The following ATP13A5 variants were observed in gnomAD, a reference collection of about 807,000 sequenced individuals.
ATP13A5 encodes probable cation-transporting ATPase 13A5.
Under a neutral mutation model 150.2 loss-of-function variants are expected in ATP13A5, and 149 were observed. The observed-to-expected ratio is 0.99, with a 90% CI of 0.87 to 1.14. The LOEUF is 1.14. Ranked by LOEUF, ATP13A5 falls within the 50% of genes most tolerant of loss-of-function variation. The probability of loss-of-function intolerance (pLI) is 0.00; values close to 1 mark genes in which losing one functional copy is unlikely to be tolerated. For missense variants in ATP13A5, 1,383 were observed against 1,449.3 expected, an observed-to-expected ratio of 0.95 and a Z score of 0.74; for synonymous variants, 497 against 522.2, an observed-to-expected ratio of 0.95 and a Z score of 0.66.
At chr3:193,289,200 C>G (rs1717845075) in intron 26 of ATP13A5, among the ~76,000 whole-genome samples, 1 of 152,088 alleles carries the variant, frequency 6.6e-6, no homozygotes, top group African/African-American at 2.4e-5. Flanking sequence ...GGCAGAAAGA[C>G]TTTGTCAGCA....
chr3:193,290,126 ATGCATATTATCTTGAGTC>A, intron 25 of ATP13A5, 67 bp from the exon 26 acceptor site: 1 of 1,458,868 alleles, frequency 6.9e-7, no homozygotes, highest in Admixed American at 2.2e-5. Context: ...TGAGATTGAG[ATGCATATTATCTTGAGTC>A]TGGCATTGGG....
At chr3:193,334,877 C>T (rs1284839033) in intron 10 of ATP13A5, 52 bp downstream of exon 10, 1 of 1,546,924 alleles carries the variant, frequency 6.5e-7, no homozygotes, top group Non-Finnish European at 8.8e-7. Flanking sequence ...CCTAATCCAA[C>T]TCTCCCCATG....
rs546123844 is a variant in ATP13A5, at chr3:193,360,326, C to A, written c.536+2055G>T. Among the ~76,000 whole-genome samples the A allele has an allele frequency of 7.9e-4, 120 of 152,264 alleles. 1 individual carries two copies. Among genetic ancestry groups the A allele is most frequent in the African/African-American group, 2.9e-3 (120 of 41,544 alleles). ...TCTCTCTACCCAGCTGCTAGGGAGCCCATAGAAAAAGTTTGCATGTAAACT... is the reference window on the plus strand; with the variant it reads ...TCTCTCTACCCAGCTGCTAGGGAGCACATAGAAAAAGTTTGCATGTAAACT... On this transcript the variant is annotated intron_variant, in intron 5 of 29. Coordinates refer to ENST00000342358, the MANE Select transcript of ATP13A5 (RefSeq NM_198505.4).
intron 7 of ATP13A5, among the ~76,000 whole-genome samples, chr3:193,347,350 AT>A (rs67560544): frequency 0.97 from 146,722 of 151,966 alleles, 70,857 homozygotes; most frequent in African/African-American, 0.99. Flanking sequence ...TAAAAACCAA[AT>A]AAAAGGGGGT....
rs1183113946 is a variant in ATP13A5 at position 193,364,213 on chromosome 3, C to A, written c.131G>T (p.Cys44Phe). ...GTAGAACACCAGCAGAAGGCCCCCA[C>A]AGGTCAGCACGGATGCGACAAGGCA... The part of the protein sequence containing the change: ...AFCLVASVLT[C>F]GGLLLVFYWR... Residue 44 changes from cysteine to phenylalanine, a missense_variant, in exon 2 of 30, where the codon TGT becomes TTT. Cys to Phe is a radical substitution (Grantham distance 205). This residue lies in a region of ATP13A5 where 787 missense variants were observed against 771.9 expected (regional missense o/e 1.02). Coordinates refer to ENST00000342358, the MANE Select transcript of ATP13A5 (RefSeq NM_198505.4). The A allele has an allele frequency of 6.2e-7, 1 of 1,614,162 alleles. No individual in the cohort carries two copies. Among genetic ancestry groups the A allele is most frequent in the East Asian group, 2.2e-5 (1 of 44,878 alleles).
At chr3:193,335,148 T>C (rs992373955) in intron 9 of ATP13A5, 49 bp from the exon 10 acceptor site, 7 of 1,576,858 alleles carry the variant, frequency 4.4e-6, no homozygotes, top group Admixed American at 1.7e-5. Flanking sequence ...AGGTAGTTGG[T>C]CAGAACTGGT....
intron 1 of ATP13A5, among the ~76,000 whole-genome samples, chr3:193,374,917 G>A (rs1446926019): frequency 1.3e-5 from 2 of 152,012 alleles, no homozygotes; most frequent in East Asian, 1.9e-4. Flanking sequence ...CTGCTCTCTC[G>A]TGCTCTCTTG....
Position 193,275,137 on chromosome 3 carries a change from T to TCA in ATP13A5, c.3561_3562insTG (p.Ile1188Ter). On this transcript the variant is annotated frameshift_variant, in exon 30 of 30. Coordinates refer to ENST00000342358, the MANE Select transcript of ATP13A5 (RefSeq NM_198505.4). LOFTEE classifies it low-confidence loss of function (END_TRUNC). ...TCATGGCTTTCATAGCCTCCGTTGA[T>TCA]GTAGAATCCATTTTTGCCATCACCT... is the stretch of plus-strand genomic sequence containing the variant. 6.2e-7 allele frequency: 1 copy of TCA among 1,614,234 alleles called. No homozygotes were observed. Among genetic ancestry groups the TCA allele is most frequent in the East Asian group, 2.2e-5 (1 of 44,886 alleles).
chr3:193,320,021 C>T (rs1054988940), intron 16 of ATP13A5, among the ~76,000 whole-genome samples: 2 of 152,180 alleles, frequency 1.3e-5, no homozygotes, highest in African/African-American at 2.4e-5. Context: ...ACAATGCCAA[C>T]ATTTGTGTGT....
intron 5 of ATP13A5, among the ~76,000 whole-genome samples, chr3:193,356,554 G>A (rs1049039011): frequency 6.6e-6 from 1 of 151,922 alleles, no homozygotes; most frequent in Non-Finnish European, 1.5e-5. Context: ...AGACCAGCCT[G>A]GGCAACAAAG....
At chr3:193,352,870 A>G (rs114030854) in intron 6 of ATP13A5, among the ~76,000 whole-genome samples, 3,388 of 152,262 alleles carry the variant, frequency 0.022, 40 homozygotes, top group Non-Finnish European at 0.032. Context: ...GACTGGAAAC[A>G]TGCACCATTG....
intron 6 of ATP13A5, 35 bp downstream of exon 6, chr3:193,354,092 A>T: frequency 6.6e-7 from 1 of 1,521,866 alleles, no homozygotes; most frequent in Non-Finnish European, 8.8e-7. Context: ...GCAGAAATCT[A>T]TTTTTTCAAA....
intron 28 of ATP13A5, chr3:193,277,773 C>T (rs559862395): frequency 6.6e-6 from 1 of 152,188 alleles, no homozygotes; most frequent in South Asian, 2.1e-4. Flanking sequence ...CCACTCCAAT[C>T]CAGAACTAAC....
chr3:193,374,645 A>ACACG (rs200379382), intron 1 of ATP13A5, among the ~76,000 whole-genome samples: 10,227 of 103,692 alleles, frequency 0.099, 743 homozygotes, highest in African/African-American at 0.23. Flanking sequence ...ACCATGACAC[A>ACACG]CACACACACA....
Position 193,299,161 on chromosome 3 carries a change from C to T in ATP13A5, c.2818G>A (p.Val940Ile), listed in dbSNP as rs201367354. Residue 940 changes from valine to isoleucine, a missense_variant, in exon 25 of 30, where the codon GTA (valine) becomes ATA (isoleucine). Coordinates refer to ENST00000342358, the MANE Select transcript of ATP13A5 (RefSeq NM_198505.4). Reference sequence around the variant, plus strand: ...AAACAGACCATCAAAGTAATGGCTACATCTTGCATGAGATACTGGTAATTT... The same window carrying T: ...AAACAGACCATCAAAGTAATGGCTATATCTTGCATGAGATACTGGTAATTT... ...FGNYQYLMQD[V>I]AITLMVCLTM... 1.7e-5 allele frequency: 27 copies of T among 1,610,078 alleles called. No individual in the cohort carries two copies. Among genetic ancestry groups the T allele is most frequent in the African/African-American group, 2.7e-5 (2 of 74,696 alleles).
chr3:193,298,127 A>G (rs1023419640), intron 25 of ATP13A5, among the ~76,000 whole-genome samples: 1 of 152,118 alleles, frequency 6.6e-6, no homozygotes, highest in Non-Finnish European at 1.5e-5. Context: ...CACAATAGCC[A>G]TGGCCTTCAC....
At chr3:193,290,550 C>T (rs1450934373) in intron 25 of ATP13A5, among the ~76,000 whole-genome samples, 1 of 152,060 alleles carries the variant, frequency 6.6e-6, no homozygotes, top group South Asian at 2.1e-4. Flanking sequence ...TTTCTCTGAG[C>T]ATGTCAATGA....
At chr3:193,378,094 G>C (rs1219114475) in intron 1 of ATP13A5, among the ~76,000 whole-genome samples, 1 of 151,862 alleles carries the variant, frequency 6.6e-6, no homozygotes, top group Non-Finnish European at 1.5e-5. Flanking sequence ...GTGTGTGTGT[G>C]TGTGTTTGAT....
chr3:193,343,399 A>T (rs1303480472), intron 9 of ATP13A5, among the ~76,000 whole-genome samples: 1 of 152,188 alleles, frequency 6.6e-6, no homozygotes, highest in African/African-American at 2.4e-5. Flanking sequence ...GATCAACAGG[A>T]ATATAAATCT....
Sources: allele counts gnomAD v4.1 joint callset (sites outside exome capture counted in the v4.1 genomes callset), GRCh38; gene constraint gnomAD v4.1.1; regional missense constraint gnomAD v4.1.1; transcripts MANE v1.5; gene names NCBI Gene and HGNC (gene_info 2026-07-23, HGNC 2026-07-21).